The following BCAS3 variants were observed in gnomAD, a reference collection of about 807,000 sequenced individuals.
BCAS3 encodes the protein BCAS3 microtubule associated cell migration factor.
BCAS3 carries 53 observed loss-of-function variants against 116.1 expected under a neutral mutation model. The ratio of observed to expected loss-of-function variants is 0.46; its 90% CI spans 0.37 to 0.57. The LOEUF (loss-of-function observed/expected upper bound fraction) is 0.57, where lower values mean the gene tolerates loss of function less well. Among genes scored for constraint, BCAS3 ranks in the 20% least tolerant of loss-of-function variants. BCAS3 has a pLI of 0.00. For missense variants in BCAS3, 917 were observed against 1,165.4 expected, an observed-to-expected ratio of 0.79 and a Z score of 3.10; for synonymous variants, 391 against 408.2, an observed-to-expected ratio of 0.96 and a Z score of 0.51.
intron 6 of BCAS3, among the ~76,000 whole-genome samples, chr17:60,797,154 C>G (rs776664080): frequency 1.3e-5 from 2 of 152,084 alleles, no homozygotes; most frequent in Non-Finnish European, 2.9e-5. Flanking sequence ...CCTTGACCTC[C>G]CAGAGTGCTG....
At chr17:60,775,018 A>G (rs2045134412) in intron 6 of BCAS3, among the ~76,000 whole-genome samples, 1 of 152,234 alleles carries the variant, frequency 6.6e-6, no homozygotes, top group African/African-American at 2.4e-5. Flanking sequence ...AGTGCTTAGG[A>G]TAGCGCTTGG....
intron 22 of BCAS3, among the ~76,000 whole-genome samples, chr17:61,176,156 A>AG (rs1336483681): frequency 1.6e-4 from 24 of 149,794 alleles, no homozygotes; most frequent in Admixed American, 5.3e-4. Flanking sequence ...AAAAAAAAAA[A>AG]AAAAAGAAAA....
intron 13 of BCAS3, among the ~76,000 whole-genome samples, chr17:60,926,470 TAA>T (rs2145166918): frequency 6.6e-6 from 1 of 152,336 alleles, no homozygotes; most frequent in Non-Finnish European, 1.5e-5. Flanking sequence ...ATCTACCCTC[TAA>T]TATCTTAATA....
intron 9 of BCAS3, among the ~76,000 whole-genome samples, chr17:60,889,170 AGT>A (rs1447776901): frequency 1.3e-5 from 2 of 152,264 alleles, no homozygotes; most frequent in Non-Finnish European, 2.9e-5. Context: ...AGGATTATGC[AGT>A]TCCCTAACAT....
intron 13 of BCAS3, 111 bp downstream of exon 13, chr17:60,924,611 A>G: frequency 1.3e-6 from 1 of 745,464 alleles, no homozygotes; most frequent in South Asian, 2.2e-5. Flanking sequence ...GTATCAGTAT[A>G]TATCAGAAAA....
intron 22 of BCAS3, among the ~76,000 whole-genome samples, chr17:61,135,059 G>A (rs1189926632): frequency 2.0e-5 from 3 of 152,104 alleles, no homozygotes; most frequent in East Asian, 1.9e-4. Flanking sequence ...AGATCAAATC[G>A]GAACTGAGAC....
At position 61,248,782 on chromosome 17, in the gene BCAS3, G is replaced by C. The variant is rs532797603; in HGVS notation, c.2426-119545G>C. Among the ~76,000 whole-genome samples, 6 of 152,144 alleles carry C rather than the reference G, an allele frequency of 3.9e-5. No homozygotes were observed. Among genetic ancestry groups the C allele is most frequent in the Non-Finnish European group, 1.5e-5 (1 of 68,026 alleles). Reference sequence around the variant, plus strand: ...TACTAGGACACATAGGACAAGATGAGCGACTATTTTAGACCTGTAGGTCAA... The same window carrying C: ...TACTAGGACACATAGGACAAGATGACCGACTATTTTAGACCTGTAGGTCAA... On this transcript the variant is annotated intron_variant, in intron 22 of 23. Coordinates refer to ENST00000407086, the MANE Select transcript of BCAS3 (RefSeq NM_017679.5). The surrounding 1 kb of genome is among the most constrained non-coding windows in gnomAD (Gnocchi z 4.3).
chr17:61,289,730 A>T (rs2052200145), intron 22 of BCAS3, among the ~76,000 whole-genome samples: 1 of 150,124 alleles, frequency 6.7e-6, no homozygotes, highest in Admixed American at 6.7e-5. Context: ...ACTTTGAAAT[A>T]AAAAAAAAAT....
At chr17:61,318,379 C>A (rs1011632646) in intron 22 of BCAS3, among the ~76,000 whole-genome samples, 5 of 152,182 alleles carry the variant, frequency 3.3e-5, no homozygotes, top group African/African-American at 9.7e-5. Flanking sequence ...TCCTTGGTGG[C>A]GATGGAGCAG....
At chr17:60,924,615 C>A in intron 13 of BCAS3, 115 bp downstream of exon 13, 2 of 707,824 alleles carry the variant, frequency 2.8e-6, no homozygotes, top group Non-Finnish European at 2.2e-6. Flanking sequence ...CAGTATATAT[C>A]AGAAAAGTTA....
At chr17:60,678,511 G>T (rs993416235) in intron 1 of BCAS3, among the ~76,000 whole-genome samples, 6 of 152,112 alleles carry the variant, frequency 3.9e-5, no homozygotes, top group African/African-American at 9.7e-5. Flanking sequence ...TAAAATCTCA[G>T]TGATTCAGAG....
chr17:60,830,827 T>C (rs2050850031), intron 7 of BCAS3, among the ~76,000 whole-genome samples: 1 of 151,394 alleles, frequency 6.6e-6, no homozygotes, highest in Admixed American at 6.6e-5. Context: ...TATAATATTC[T>C]AGAGCCAAGA....
At chr17:60,898,372 A>G (rs1307404641) in intron 10 of BCAS3, among the ~76,000 whole-genome samples, 1 of 152,162 alleles carries the variant, frequency 6.6e-6, no homozygotes, top group African/African-American at 2.4e-5. Flanking sequence ...TTTTTTTATT[A>G]ATGAAGATAT....
At chr17:60,780,192 A>G (rs1481742838) in intron 6 of BCAS3, among the ~76,000 whole-genome samples, 1 of 150,854 alleles carries the variant, frequency 6.6e-6, no homozygotes, top group African/African-American at 2.4e-5. Flanking sequence ...GTTTCACTAT[A>G]TTGGCCAAGC....
chr17:60,808,202 A>G (rs1234017762), intron 7 of BCAS3, 126 bp downstream of exon 7: 5 of 664,796 alleles, frequency 7.5e-6, no homozygotes, highest in Non-Finnish European at 1.3e-5. Context: ...GAAGAAGAAG[A>G]AAGTAAAACA....
At chr17:61,142,024 TC>T (rs1167258228) in intron 22 of BCAS3, among the ~76,000 whole-genome samples, 5 of 152,190 alleles carry the variant, frequency 3.3e-5, no homozygotes, top group Non-Finnish European at 1.5e-5. Context: ...TCTCATTTTC[TC>T]CTTTTCCCCA....
chr17:61,048,308 A>C (rs981899468), intron 19 of BCAS3, among the ~76,000 whole-genome samples: 8 of 152,036 alleles, frequency 5.3e-5, no homozygotes, highest in African/African-American at 1.9e-4. Flanking sequence ...TATATGAAAC[A>C]ATTGTTTTCA....
chr17:61,038,682 T>TTG (rs1202856055), intron 18 of BCAS3, among the ~76,000 whole-genome samples: 4,262 of 146,636 alleles, frequency 0.029, 277 homozygotes, highest in African/African-American at 0.099. Flanking sequence ...TTTTTTTTTT[T>TTG]TTTTTGGAGA....
intron 11 of BCAS3, among the ~76,000 whole-genome samples, chr17:60,905,801 T>C (rs543729073): frequency 2.0e-5 from 3 of 152,180 alleles, no homozygotes; most frequent in East Asian, 1.9e-4. Context: ...CGAGATGTGA[T>C]TGGTTTTATA....
Sources: gnomAD v4.1 joint callset for allele counts (sites outside exome capture counted in the v4.1 genomes callset) on GRCh38, gnomAD v4.1.1 for gene constraint, Gnocchi (gnomAD v3.1) non-coding constraint, MANE v1.5 for transcripts, NCBI Gene and HGNC (gene_info 2026-07-23, HGNC 2026-07-21) for gene names.